The following ATG10 variants were observed in gnomAD, a reference collection of about 807,000 sequenced individuals.
ATG10 encodes ubiquitin-like-conjugating enzyme ATG10.
In ATG10, 30 loss-of-function variants were observed where a neutral mutation model predicts 32.1. The ratio of observed to expected loss-of-function variants is 0.94; its 90% CI spans 0.70 to 1.27. The LOEUF is 1.27. ATG10 is among the 50% of genes most tolerant of loss of function. The pLI is 0.00. For synonymous variants in ATG10, 87 were observed against 91.5 expected (o/e 0.95, Z 0.28); for missense variants, 233 against 262.3 (o/e 0.89, Z 0.77).
chr5:82,006,053 T>G (rs1255305774), intron 2 of ATG10, among the ~76,000 whole-genome samples: 2 of 152,190 alleles, frequency 1.3e-5, no homozygotes, highest in Non-Finnish European at 2.9e-5. Context: ...TAGTAAAAAT[T>G]TTAAATTTCA....
intron 2 of ATG10, among the ~76,000 whole-genome samples, chr5:81,993,348 T>C (rs60560846): frequency 6.1e-3 from 175 of 28,894 alleles, no homozygotes; most frequent in African/African-American, 9.6e-3. Flanking sequence ...TCTTTCTTTC[T>C]TTCTTTCTTT....
chr5:82,110,933 G>C (rs1765599199), intron 3 of ATG10, among the ~76,000 whole-genome samples: 1 of 151,940 alleles, frequency 6.6e-6, no homozygotes, highest in Non-Finnish European at 1.5e-5. Flanking sequence ...TTTGAAATAA[G>C]TGCTTCTTTA....
intron 2 of ATG10, among the ~76,000 whole-genome samples, chr5:82,016,096 G>T (rs916563334): frequency 7.9e-5 from 12 of 151,956 alleles, no homozygotes; most frequent in African/African-American, 2.7e-4. Flanking sequence ...AAATTGTCTC[G>T]TCTATTTATC....
intron 3 of ATG10, among the ~76,000 whole-genome samples, chr5:82,066,030 G>C (rs971369389): frequency 7.9e-5 from 12 of 151,932 alleles, no homozygotes; most frequent in African/African-American, 2.9e-4. Flanking sequence ...AAAGGAAACA[G>C]TATCTAGTTA....
At chr5:82,091,060 C>A (rs1764866411) in intron 3 of ATG10, among the ~76,000 whole-genome samples, 1 of 152,066 alleles carries the variant, frequency 6.6e-6, no homozygotes, top group Non-Finnish European at 1.5e-5. Flanking sequence ...TGTAATTTTA[C>A]AGAGAGCTTA....
chr5:82,037,234 C>CTTTTTTTTT lies in ATG10; in HGVS notation c.109-21238_109-21230dup, dbSNP rs1166784267. On this transcript the variant is annotated intron_variant, in intron 2 of 7. Coordinates refer to ENST00000282185, the MANE Select transcript of ATG10 (RefSeq NM_031482.5). ...ACTTTTTGTAATAAGATCTCATTTA[C>CTTTTTTTTT]TTTTTTTTTTTTTTTTTTTTTTTTT... Among the ~76,000 whole-genome samples, 179 of 36,954 alleles carry CTTTTTTTTT rather than the reference C, an allele frequency of 4.8e-3. 47 individuals are homozygous for CTTTTTTTTT. The highest frequency in any genetic ancestry group is 6.1e-3 in the Non-Finnish European group (125 of 20,574). 24.2% of individuals were successfully genotyped at this position (36,954 alleles called of 152,430 possible).
chr5:82,140,699 G>A (rs1235190347), intron 3 of ATG10, among the ~76,000 whole-genome samples: 2 of 38,482 alleles, frequency 5.2e-5, no homozygotes, highest in African/African-American at 1.8e-4. Flanking sequence ...CCCTCTGCCC[G>A]GCCACCACCC....
At chr5:81,985,817 C>T (rs940644857) in intron 1 of ATG10, among the ~76,000 whole-genome samples, 3 of 152,206 alleles carry the variant, frequency 2.0e-5, no homozygotes, top group Non-Finnish European at 4.4e-5. Flanking sequence ...GGCTGTAGTG[C>T]AGTGGCGCGA....
intron 2 of ATG10, among the ~76,000 whole-genome samples, chr5:82,032,004 A>C (rs1316129188): frequency 6.6e-6 from 1 of 152,256 alleles, no homozygotes; most frequent in Admixed American, 6.5e-5. Context: ...GGGCCTGCCC[A>C]GACAAGGTAG....
intron 3 of ATG10, among the ~76,000 whole-genome samples, chr5:82,086,604 A>C (rs1764704064): frequency 1.3e-5 from 2 of 152,182 alleles, no homozygotes; most frequent in Admixed American, 6.6e-5. Context: ...TCTCTAGAGC[A>C]CATAGTTCAA....
At chr5:82,041,831 T>C (rs1327667052) in intron 2 of ATG10, among the ~76,000 whole-genome samples, 1 of 152,134 alleles carries the variant, frequency 6.6e-6, no homozygotes, top group Non-Finnish European at 1.5e-5. Context: ...TCATTTCGGA[T>C]AGTTTCTATT....
chr5:82,022,674 C>A (rs1172097331), intron 2 of ATG10, among the ~76,000 whole-genome samples: 1 of 149,930 alleles, frequency 6.7e-6, no homozygotes, highest in East Asian at 1.9e-4. Context: ...TTTCAAAGCA[C>A]CATTAACTGT....
chr5:82,032,006 A>T (rs1197988022), intron 2 of ATG10, among the ~76,000 whole-genome samples: 1 of 152,242 alleles, frequency 6.6e-6, no homozygotes, highest in Non-Finnish European at 1.5e-5. Context: ...GCCTGCCCAG[A>T]CAAGGTAGTG....
intron 1 of ATG10, among the ~76,000 whole-genome samples, chr5:81,983,221 C>CGGGCTGG (rs1283946084): frequency 1.2e-4 from 17 of 138,360 alleles, no homozygotes; most frequent in Admixed American, 1.2e-3. Context: ...GGCGACTGGC[C>CGGGCTGG]GGGCTGGGGG....
intron 1 of ATG10, among the ~76,000 whole-genome samples, chr5:81,978,652 G>GT (rs933137606): frequency 1.8e-4 from 28 of 151,928 alleles, no homozygotes; most frequent in South Asian, 1.3e-3. Flanking sequence ...TAGATCTGTG[G>GT]TTTTTTTTGT....
At chr5:81,984,521 C>T (rs1761197812) in intron 1 of ATG10, among the ~76,000 whole-genome samples, 1 of 152,202 alleles carries the variant, frequency 6.6e-6, no homozygotes, top group Non-Finnish European at 1.5e-5. Flanking sequence ...TGACTGTTGT[C>T]ACCTGTAGTC....
chr5:82,103,161 T>C (rs1765334891), intron 3 of ATG10, among the ~76,000 whole-genome samples: 1 of 152,206 alleles, frequency 6.6e-6, no homozygotes, highest in Non-Finnish European at 1.5e-5. Flanking sequence ...TGTTTGTTTG[T>C]AGACAGGGAC....
intron 2 of ATG10, among the ~76,000 whole-genome samples, chr5:82,024,779 C>T (rs1762548764): frequency 6.6e-6 from 1 of 152,188 alleles, no homozygotes; most frequent in Admixed American, 6.5e-5. Context: ...GTGGCAGAAC[C>T]TCAAGTAGAG....
intron 2 of ATG10, among the ~76,000 whole-genome samples, chr5:82,013,450 A>T (rs574493086): frequency 3.3e-5 from 5 of 152,210 alleles, no homozygotes; most frequent in African/African-American, 1.2e-4. Context: ...TATTTTTGCA[A>T]TTGCAAATTG....
Sources: gnomAD v4.1 joint callset for allele counts (sites outside exome capture counted in the v4.1 genomes callset) on GRCh38, gnomAD v4.1.1 for gene constraint, MANE v1.5 for transcripts, NCBI Gene and HGNC (gene_info 2026-07-23, HGNC 2026-07-21) for gene names.